Variants in RASA3 observed in about 807,000 individuals in gnomAD.
RASA3 encodes the protein RAS p21 protein activator 3.
In RASA3, 73 loss-of-function variants were observed where a neutral mutation model predicts 110.0. That is an observed-to-expected ratio of 0.66 (90% CI 0.55 to 0.81). The LOEUF (loss-of-function observed/expected upper bound fraction) is 0.81. Ranked by LOEUF, RASA3 falls within the 30% of genes least tolerant of loss-of-function variation. RASA3 has a pLI of 0.00. For missense variants in RASA3, 976 were observed against 1,113.2 expected, an observed-to-expected ratio of 0.88 and a Z score of 1.75; for synonymous variants, 500 against 451.4, an observed-to-expected ratio of 1.11 and a Z score of -1.37.
At chr13:114,017,419 G>T in intron 11 of RASA3, 68 bp from the exon 12 acceptor site, 1 of 1,251,716 alleles carries the variant, frequency 8.0e-7, no homozygotes, top group Non-Finnish European at 1.1e-6. Context: ...AGCAGAGCCT[G>T]GCCCCGAGCA....
chr13:114,046,896 C>T (rs1244900071), intron 3 of RASA3, among the ~76,000 whole-genome samples: 3 of 152,190 alleles, frequency 2.0e-5, no homozygotes, highest in African/African-American at 4.8e-5. Context: ...AACAGAATCC[C>T]GACCCTTTTC....
In RASA3 at chr13:114,096,747, A is replaced by G. The variant is rs184043507; in HGVS notation, c.56-22910T>C. On this transcript the variant is annotated intron_variant, in intron 1 of 23. Transcript: ENST00000334062. This position sits in a 1 kb window ranked among gnomAD's most constrained non-coding sequence, Gnocchi z 5.1. ...CTCCTCGTCCCCCAAAGCACTCAAC[A>G]GCTCTCCAGCACCCACCGAATGAAG... Among the ~76,000 whole-genome samples the G allele has an allele frequency of 6.6e-6, 1 of 152,066 alleles. No individual in the cohort carries two copies. Among genetic ancestry groups the G allele is most frequent in the Admixed American group, 6.5e-5 (1 of 15,280 alleles).
At chr13:114,132,332 C>A in intron 1 of RASA3, 103 bp downstream of exon 1, 1 of 1,241,054 alleles carries the variant, frequency 8.1e-7, no homozygotes, top group Non-Finnish European at 1.0e-6. Flanking sequence ...TGGAGGGCGT[C>A]TCCGCCGGGG....
At chr13:114,072,326 T>G (rs2079585881) in intron 2 of RASA3, among the ~76,000 whole-genome samples, 1 of 152,326 alleles carries the variant, frequency 6.6e-6, no homozygotes, top group Non-Finnish European at 1.5e-5. Context: ...CTGGACATCC[T>G]GGGGTCGGCA....
intron 16 of RASA3, among the ~76,000 whole-genome samples, chr13:114,010,937 C>G (rs994459105): frequency 8.7e-5 from 13 of 150,206 alleles, no homozygotes; most frequent in African/African-American, 3.1e-4. Context: ...GCCACGGGGC[C>G]GGCGACGAGC....
chr13:114,013,660 C>G (rs1213270949), intron 14 of RASA3, among the ~76,000 whole-genome samples: 1 of 145,980 alleles, frequency 6.9e-6, no homozygotes, highest in Non-Finnish European at 1.5e-5. Flanking sequence ...CTCTCTCCCT[C>G]TTTGTCCCTC....
At chr13:114,043,195 G>T (rs1403482257) in intron 3 of RASA3, among the ~76,000 whole-genome samples, 1 of 152,190 alleles carries the variant, frequency 6.6e-6, no homozygotes, top group African/African-American at 2.4e-5. Flanking sequence ...GACAGCGCAA[G>T]GTCGGCCACA....
At chr13:114,043,088 CAG>C (rs1397504492) in intron 3 of RASA3, among the ~76,000 whole-genome samples, 1 of 152,212 alleles carries the variant, frequency 6.6e-6, no homozygotes, top group Non-Finnish European at 1.5e-5. Context: ...TGACTAATCT[CAG>C]AGCCCGTGGG....
Position 114,016,142 on chromosome 13 carries a change from G to A in RASA3, c.1281+55C>T. 5 of 1,472,820 alleles carry A rather than the reference G, an allele frequency of 3.4e-6. No individual in the cohort carries two copies. In the South Asian group the frequency reaches 5.7e-5, roughly 17 times the overall value. The allele number at this position is 1,472,820 out of a possible 1,614,324, so 91.2% of individuals were successfully genotyped here. On this transcript the variant is annotated intron_variant, in intron 13 of 23. Transcript: ENST00000334062. ...AGTCAGAGCTTCCAGGCAGCCATCG[G>A]CTGAAAAACCCCAAGCAGGTGACTG...
intron 1 of RASA3, among the ~76,000 whole-genome samples, chr13:114,128,024 C>A (rs755354065): frequency 6.6e-6 from 1 of 152,258 alleles, no homozygotes; most frequent in Non-Finnish European, 1.5e-5. Context: ...CTGCCCCTGC[C>A]GGAGCCCCTG....
chr13:113,992,698 G>T, intron 21 of RASA3, 110 bp from the exon 22 acceptor site: 1 of 886,118 alleles, frequency 1.1e-6, no homozygotes. Flanking sequence ...GATTGTGTTG[G>T]AAGTGAAATT....
intron 18 of RASA3, among the ~76,000 whole-genome samples, chr13:114,005,502 C>T (rs1239386207): frequency 2.6e-5 from 4 of 152,114 alleles, no homozygotes; most frequent in Non-Finnish European, 5.9e-5. Flanking sequence ...CAGAGGGGTC[C>T]CAGGCTGAAG....
intron 2 of RASA3, among the ~76,000 whole-genome samples, chr13:114,061,676 CAAAAAAAAAA>C (rs397963864): frequency 4.2e-5 from 4 of 96,284 alleles, no homozygotes; most frequent in African/African-American, 1.5e-4. Flanking sequence ...GACTCTGTCT[CAAAAAAAAAA>C]AAAAAAGAAA....
rs1401883138 is a variant in RASA3, at chr13:114,065,628, C to A, written c.173+8092G>T. Among the ~76,000 whole-genome samples, 2 of 152,212 alleles carry A rather than the reference C, an allele frequency of 1.3e-5. No individual in the cohort carries two copies. The highest frequency in any genetic ancestry group is 2.4e-5 in the African/African-American group (1 of 41,446). On this transcript the variant is annotated intron_variant, in intron 2 of 23. Coordinates refer to ENST00000334062, the MANE Select transcript of RASA3 (RefSeq NM_007368.4). The surrounding 1 kb of genome is among the most constrained non-coding windows in gnomAD (Gnocchi z 4.1). Reference sequence around the variant, plus strand: ...ACATGGCCAGTGCAGGGCCACACAGCCCTGGCTCCCACAGACCGCAGGCTG... The same window carrying A: ...ACATGGCCAGTGCAGGGCCACACAGACCTGGCTCCCACAGACCGCAGGCTG...
rs373554632 is a variant in RASA3 at position 114,023,490 on chromosome 13, C to T, written c.680+789G>A. On this transcript the variant is annotated intron_variant, in intron 8 of 23. Coordinates refer to ENST00000334062, the MANE Select transcript of RASA3 (RefSeq NM_007368.4). Reference sequence around the variant, plus strand: ...CCTCTTCATAGGGAATGGAGGCATTCGTTGGTACAGAAGGAACAGAGGCTA... The same window carrying T: ...CCTCTTCATAGGGAATGGAGGCATTTGTTGGTACAGAAGGAACAGAGGCTA... Among the ~76,000 whole-genome samples, 377 of 152,302 alleles carry T rather than the reference C, an allele frequency of 2.5e-3. 1 individual carries two copies. The highest frequency in any genetic ancestry group is 8.5e-3 in the African/African-American group (355 of 41,570).
intron 19 of RASA3, among the ~76,000 whole-genome samples, chr13:114,000,390 G>A (rs79141339): frequency 3.9e-5 from 6 of 152,224 alleles, no homozygotes; most frequent in South Asian, 2.1e-4. Context: ...ACATGTTCCC[G>A]TTCTGGGACA....
intron 4 of RASA3, among the ~76,000 whole-genome samples, chr13:114,030,447 GGGC>G (rs2054133138): frequency 1.1e-5 from 1 of 94,936 alleles, no homozygotes; most frequent in African/African-American, 4.3e-5. Context: ...CTCACACAGA[GGGC>G]AAGGCTCACA....
At position 114,132,512 on chromosome 13, in the gene RASA3, G is replaced by A. The variant is rs771222188; in HGVS notation, c.-23C>T. ...CATGCTGCGCGTCCGCGCCCGCCGAGCCTCGCCCCAAGCGCGCGCCGAGCC... is the reference window on the plus strand; with the variant it reads ...CATGCTGCGCGTCCGCGCCCGCCGAACCTCGCCCCAAGCGCGCGCCGAGCC... On this transcript the variant is annotated 5_prime_UTR_variant, in exon 1 of 24. Transcript: ENST00000334062. 48 of 1,476,986 alleles carry A rather than the reference G, an allele frequency of 3.2e-5. No homozygotes were observed. The highest frequency in any genetic ancestry group is 1.3e-5 in the South Asian group (1 of 78,108). The allele number at this position is 1,476,986 out of a possible 1,614,324, so 91.5% of individuals were successfully genotyped here.
rs190128681 is a variant in RASA3, at chr13:114,112,582, G to A, written c.55+19853C>T. 3.3e-5 allele frequency among the ~76,000 whole-genome samples: 5 copies of A among 152,240 alleles called. No homozygotes were observed. The East Asian group carries it at 9.7e-4, about 29-fold the overall frequency. ...TTCACACGCGTGCCCGGGGATGCTGGTGCTGCAGGTATGGGGACCCCGCTA... is the reference window on the plus strand; with the variant it reads ...TTCACACGCGTGCCCGGGGATGCTGATGCTGCAGGTATGGGGACCCCGCTA... On this transcript the variant is annotated intron_variant, in intron 1 of 23. Coordinates refer to ENST00000334062, the MANE Select transcript of RASA3 (RefSeq NM_007368.4). This position sits in a 1 kb window ranked among gnomAD's most constrained non-coding sequence, Gnocchi z 4.8.
Sources: allele counts gnomAD v4.1 joint callset (sites outside exome capture counted in the v4.1 genomes callset), GRCh38; gene constraint gnomAD v4.1.1; non-coding constraint Gnocchi (gnomAD v3.1); transcripts MANE v1.5; gene names NCBI Gene and HGNC (gene_info 2026-07-23, HGNC 2026-07-21).